PTPN13: variants seen among roughly 807,000 people sequenced by gnomAD.
The protein encoded by PTPN13 is tyrosine-protein phosphatase non-receptor type 13.
In PTPN13, 191 loss-of-function variants were observed where a neutral mutation model predicts 284.0. That is an observed-to-expected ratio of 0.67 (90% CI 0.60 to 0.76). The LOEUF is 0.76. Ranked by LOEUF, PTPN13 falls within the 30% of genes least tolerant of loss-of-function variation. The probability of loss-of-function intolerance (pLI) is 0.00; values close to 1 mark genes in which losing one functional copy is unlikely to be tolerated. For synonymous variants in PTPN13, 986 were observed against 1,022.3 expected, an observed-to-expected ratio of 0.96 and a Z score of 0.68; for missense variants, 2,797 against 2,939.9, an observed-to-expected ratio of 0.95 and a Z score of 1.12.
chr4:86,655,154 C>G (rs1725607832), intron 2 of PTPN13, among the ~76,000 whole-genome samples: 1 of 152,134 alleles, frequency 6.6e-6, no homozygotes, highest in African/African-American at 2.4e-5. Context: ...TGAGATGGGT[C>G]TCCTGAATAC....
Position 86,814,668 on chromosome 4 carries a change from C to T in PTPN13, c.*117C>T, listed in dbSNP as rs1480097866. ...AAGTTCATACAACATGCATGTTCTC[C>T]TCTATCTTAGAGGGGTATTCTTCTT... On this transcript the variant is annotated 3_prime_UTR_variant, in exon 48 of 48. Transcript: ENST00000411767. 11 of 735,338 alleles carry T rather than the reference C, an allele frequency of 1.5e-5. No homozygotes were observed. The highest frequency in any genetic ancestry group is 2.5e-5 in the Non-Finnish European group (11 of 439,440). The allele number at this position is 735,338 out of a possible 1,614,324, so 45.6% of individuals were successfully genotyped here. A position where few individuals can be genotyped will look rare whatever the true frequency, so the allele number is the denominator to read the frequency against.
intron 1 of PTPN13, among the ~76,000 whole-genome samples, chr4:86,621,245 A>G (rs1721204637): frequency 1.3e-5 from 2 of 152,226 alleles, no homozygotes; most frequent in African/African-American, 4.8e-5. Context: ...TGTATTCACA[A>G]TAAGCAATTG....
chr4:86,659,584 G>C (rs1429236508), intron 2 of PTPN13, among the ~76,000 whole-genome samples: 1 of 152,186 alleles, frequency 6.6e-6, no homozygotes, highest in East Asian at 1.9e-4. Context: ...GGGAGGCCAA[G>C]GTGGACGGAT....
chr4:86,684,056 T>C (rs1190872570), intron 3 of PTPN13, among the ~76,000 whole-genome samples: 2 of 151,684 alleles, frequency 1.3e-5, no homozygotes, highest in East Asian at 1.9e-4. Context: ...ATATCTGCTA[T>C]GTAAAGTTCT....
At chr4:86,794,715 A>G (rs10213484) in intron 40 of PTPN13, among the ~76,000 whole-genome samples, 15,128 of 152,192 alleles carry the variant, frequency 0.099, 868 homozygotes, top group Non-Finnish European at 0.11. Flanking sequence ...GACCAATGGA[A>G]CAGAACAGAG....
At chr4:86,665,462 G>A (rs1340173799) in intron 2 of PTPN13, among the ~76,000 whole-genome samples, 1 of 152,050 alleles carries the variant, frequency 6.6e-6, no homozygotes, top group Non-Finnish European at 1.5e-5. Flanking sequence ...TTTACCTAAA[G>A]TTAATGACTA....
At chr4:86,614,030 A>G (rs1720255528) in intron 1 of PTPN13, among the ~76,000 whole-genome samples, 1 of 152,166 alleles carries the variant, frequency 6.6e-6, no homozygotes, top group African/African-American at 2.4e-5. Flanking sequence ...TGTCAATCCT[A>G]TTGTTTTTAA....
chr4:86,703,917 A>C (rs1731438281), intron 7 of PTPN13, among the ~76,000 whole-genome samples: 1 of 152,126 alleles, frequency 6.6e-6, no homozygotes, highest in African/African-American at 2.4e-5. Flanking sequence ...TCATGCCTGT[A>C]ATCCTGGCAC....
intron 3 of PTPN13, among the ~76,000 whole-genome samples, chr4:86,686,058 T>G (rs1220226134): frequency 2.6e-5 from 4 of 152,180 alleles, no homozygotes; most frequent in Non-Finnish European, 4.4e-5. Context: ...TACCTATTGA[T>G]AAGTTAAAAA....
chr4:86,672,479 G>C lies in PTPN13; in HGVS notation c.230G>C (p.Arg77Pro). 1 of 1,604,428 alleles carries C rather than the reference G, an allele frequency of 6.2e-7. No individual in the cohort carries two copies. Among genetic ancestry groups the C allele is most frequent in the Non-Finnish European group, 8.5e-7 (1 of 1,175,120 alleles). Residue 77 changes from arginine to proline, a missense_variant, in exon 3 of 48, where the codon CGA (arginine) becomes CCA (proline). Coordinates refer to ENST00000411767, the MANE Select transcript of PTPN13 (RefSeq NM_080683.3). ...GAAAATATTTCCAATCAGGATCTTC[G>C]AGCATTCACTGCACCAGAGGTTCTT... is the stretch of plus-strand genomic sequence containing the variant. ...TDENISNQDL[R>P]AFTAPEVLQN...
rs1175645695 is a variant in PTPN13, at chr4:86,774,546, A to G, written c.5508+15A>G. ...GGCTCATAAAGGTGAGACATTTAAG[A>G]GGAATGGATTATTTGTGTAAATGTA... is the stretch of plus-strand genomic sequence containing the variant. On this transcript the variant is annotated intron_variant, in intron 33 of 47. Coordinates refer to ENST00000411767, the MANE Select transcript of PTPN13 (RefSeq NM_080683.3). 1.3e-6 allele frequency: 2 copies of G among 1,579,796 alleles called. No individual in the cohort carries two copies. The highest frequency in any genetic ancestry group is 1.2e-5 in the South Asian group (1 of 85,032).
At position 86,769,827 on chromosome 4, in the gene PTPN13, T is replaced by C. The variant is rs757832604; in HGVS notation, c.4548T>C (p.Ser1516=). Residue 1516 remains serine, a synonymous_variant, in exon 29 of 48, where the codon TCT becomes TCC. Coordinates refer to ENST00000411767, the MANE Select transcript of PTPN13 (RefSeq NM_080683.3). ...GCTCAGGTCTAGGATTCAGTTTTTCTCGAGAAGATAATCTTATACCGGAGC... is the reference window on the plus strand; with the variant it reads ...GCTCAGGTCTAGGATTCAGTTTTTCCCGAGAAGATAATCTTATACCGGAGC... ...KNSSGLGFSF[S]REDNLIPEQI... is the part of the protein sequence containing the mutation. The C allele has an allele frequency of 6.2e-6, 10 of 1,613,678 alleles. No individual in the cohort carries two copies. The highest frequency in any genetic ancestry group is 8.5e-6 in the Non-Finnish European group (10 of 1,179,650).
At chr4:86,731,234 A>C (rs529155740) in intron 10 of PTPN13, among the ~76,000 whole-genome samples, 2 of 152,298 alleles carry the variant, frequency 1.3e-5, no homozygotes, top group East Asian at 3.9e-4. Flanking sequence ...CTCTGGTTTC[A>C]TTCTACCTTT....
chr4:86,777,559 A>G (rs1025797056), intron 35 of PTPN13, among the ~76,000 whole-genome samples: 23 of 152,234 alleles, frequency 1.5e-4, no homozygotes, highest in Non-Finnish European at 2.9e-4. Context: ...TTAGAACAGA[A>G]TCATTAGAAT....
chr4:86,758,428 G>T (rs1047745210), intron 21 of PTPN13, 79 bp downstream of exon 21: 1 of 1,208,178 alleles, frequency 8.3e-7, no homozygotes, highest in African/African-American at 1.5e-5. Context: ...CATTGGCATT[G>T]CAGTGCCAGC....
intron 1 of PTPN13, among the ~76,000 whole-genome samples, chr4:86,631,676 A>C (rs1480149903): frequency 6.6e-6 from 1 of 152,132 alleles, no homozygotes; most frequent in Non-Finnish European, 1.5e-5. Context: ...TATACAAAAA[A>C]AGTTTAAATA....
intron 1 of PTPN13, among the ~76,000 whole-genome samples, chr4:86,602,082 G>T (rs1001908406): frequency 6.6e-6 from 1 of 152,162 alleles, no homozygotes; most frequent in African/African-American, 2.4e-5. Flanking sequence ...CATGTAAATT[G>T]CCTTGTAAAA....
At chr4:86,626,841 T>A (rs1428631113) in intron 1 of PTPN13, among the ~76,000 whole-genome samples, 5 of 152,116 alleles carry the variant, frequency 3.3e-5, no homozygotes, top group Non-Finnish European at 7.4e-5. Flanking sequence ...ACCCCTACGT[T>A]ACTCAAGGGT....
At chr4:86,797,433 A>G (rs1374320682) in intron 41 of PTPN13, among the ~76,000 whole-genome samples, 1 of 152,062 alleles carries the variant, frequency 6.6e-6, no homozygotes, top group African/African-American at 2.4e-5. Context: ...TGGATGTTAC[A>G]GTGAGCCGAG....
Sources: allele counts gnomAD v4.1 joint callset (sites outside exome capture counted in the v4.1 genomes callset), GRCh38; gene constraint gnomAD v4.1.1; transcripts MANE v1.5; gene names NCBI Gene and HGNC (gene_info 2026-07-23, HGNC 2026-07-21).